HHAT: variants seen among roughly 807,000 people sequenced by gnomAD.
HHAT encodes hedgehog acyltransferase.
Under a neutral mutation model 70.8 loss-of-function variants are expected in HHAT, and 47 were observed. The observed-to-expected ratio is 0.66, with a 90% CI of 0.53 to 0.85. HHAT has a LOEUF of 0.85. HHAT is among the 40% of genes least tolerant of loss of function. The pLI is 0.00. For missense variants in HHAT, 609 were observed against 604.8 expected (o/e 1.01, Z -0.07); for synonymous variants, 228 against 247.6 (o/e 0.92, Z 0.74).
intron 9 of HHAT, among the ~76,000 whole-genome samples, chr1:210,554,622 C>T (rs1170005828): frequency 1.3e-5 from 2 of 152,104 alleles, no homozygotes; most frequent in East Asian, 3.9e-4. Flanking sequence ...GAGGTTTCAG[C>T]TTAAGCCCGT....
intron 8 of HHAT, among the ~76,000 whole-genome samples, chr1:210,472,595 G>A (rs2094224576): frequency 6.6e-6 from 1 of 152,180 alleles, no homozygotes; most frequent in Non-Finnish European, 1.5e-5. Flanking sequence ...GGAGTGATGG[G>A]AATGGTTCAG....
chr1:210,522,326 T>C (rs759835011), intron 9 of HHAT, among the ~76,000 whole-genome samples: 2 of 152,200 alleles, frequency 1.3e-5, no homozygotes, highest in Non-Finnish European at 2.9e-5. Flanking sequence ...ATCAGTTTCT[T>C]TTAAACTTTT....
At chr1:210,467,979 T>C (rs1408996487) in intron 8 of HHAT, among the ~76,000 whole-genome samples, 2 of 152,196 alleles carry the variant, frequency 1.3e-5, no homozygotes, top group East Asian at 1.9e-4. Context: ...CTAGTTCAAA[T>C]TGACTGTGAA....
At position 210,619,108 on chromosome 1, in the gene HHAT, G is replaced by T. The variant is rs189423016; in HGVS notation, c.1246-4418G>T. Reference sequence around the variant, plus strand: ...AGGCCAGTGTTCTGAGGGGCTTGCTGTAACCAGGCCAAAAGTCTAGCACCT... The same window carrying T: ...AGGCCAGTGTTCTGAGGGGCTTGCTTTAACCAGGCCAAAAGTCTAGCACCT... On this transcript the variant is annotated intron_variant, in intron 10 of 11. Coordinates refer to ENST00000261458, the MANE Select transcript of HHAT (RefSeq NM_018194.6). 5.4e-4 allele frequency among the ~76,000 whole-genome samples: 82 copies of T among 152,288 alleles called. 1 individual carries two copies. Among genetic ancestry groups the T allele is most frequent in the African/African-American group, 1.9e-3 (81 of 41,564 alleles).
At position 210,452,783 on chromosome 1, in the gene HHAT, G is replaced by T. The variant is rs79656141; in HGVS notation, c.857-11722G>T. 4.0e-3 allele frequency among the ~76,000 whole-genome samples: 615 copies of T among 152,306 alleles called. 23 individuals carry two copies. In the East Asian group the frequency reaches 0.1, roughly 25 times the overall value. On this transcript the variant is annotated intron_variant, in intron 7 of 11. Transcript: ENST00000261458. ...TATGGTAAATCCATGGTAAATCCAGGTATATGAGTTTATGGGAGAAAAGAG... is the reference window on the plus strand; with the variant it reads ...TATGGTAAATCCATGGTAAATCCAGTTATATGAGTTTATGGGAGAAAAGAG...
chr1:210,628,714 T>A (rs1670306922), intron 11 of HHAT, among the ~76,000 whole-genome samples: 1 of 152,192 alleles, frequency 6.6e-6, no homozygotes, highest in Non-Finnish European at 1.5e-5. Flanking sequence ...GTATATTTTC[T>A]CCCTGATTAC....
chr1:210,345,311 A>C (rs768456925), intron 1 of HHAT, among the ~76,000 whole-genome samples: 6 of 152,162 alleles, frequency 3.9e-5, no homozygotes, highest in Non-Finnish European at 4.4e-5. Flanking sequence ...CAAATTAATA[A>C]AAATTTGTAA....
intron 10 of HHAT, among the ~76,000 whole-genome samples, chr1:210,615,947 A>G (rs1409879318): frequency 6.6e-6 from 1 of 152,166 alleles, no homozygotes; most frequent in Non-Finnish European, 1.5e-5. Context: ...TGGGAGAACC[A>G]CTACTCTCTT....
intron 9 of HHAT, among the ~76,000 whole-genome samples, chr1:210,583,686 T>A (rs1037851160): frequency 1.3e-5 from 2 of 152,170 alleles, no homozygotes; most frequent in Non-Finnish European, 2.9e-5. Context: ...CCTCATGTCC[T>A]TGGAGACCTG....
chr1:210,671,738 A>G (rs1033718244), intron 11 of HHAT, among the ~76,000 whole-genome samples: 5 of 152,218 alleles, frequency 3.3e-5, no homozygotes, highest in African/African-American at 1.2e-4. Flanking sequence ...CTCCAGAACT[A>G]AGAATACATG....
chr1:210,500,843 G>T (rs2094738633), intron 8 of HHAT, among the ~76,000 whole-genome samples: 1 of 152,196 alleles, frequency 6.6e-6, no homozygotes, highest in Non-Finnish European at 1.5e-5. Context: ...GTTCTGTGGG[G>T]ACTGTTGCCA....
At chr1:210,385,943 A>C (rs1364951160) in intron 3 of HHAT, among the ~76,000 whole-genome samples, 1 of 152,222 alleles carries the variant, frequency 6.6e-6, no homozygotes, top group Non-Finnish European at 1.5e-5. Context: ...TCATCACAGC[A>C]AGTGTGTGAG....
At position 210,437,405 on chromosome 1, in the gene HHAT, C is replaced by A. The variant is rs118016299; in HGVS notation, c.856+19080C>A. Among the ~76,000 whole-genome samples, 397 of 151,840 alleles carry A rather than the reference C, an allele frequency of 2.6e-3. 12 individuals are homozygous for A. The South Asian group carries it at 0.059, about 23-fold the overall frequency. ...GTGAATTTGGAAAGCAGATTCACAT[C>A]GAGAATAAGGGACGACTCTCTGGCC... On this transcript the variant is annotated intron_variant, in intron 7 of 11. Coordinates refer to ENST00000261458, the MANE Select transcript of HHAT (RefSeq NM_018194.6).
intron 9 of HHAT, among the ~76,000 whole-genome samples, chr1:210,577,277 C>T (rs559899479): frequency 6.6e-6 from 1 of 152,092 alleles, no homozygotes; most frequent in Non-Finnish European, 1.5e-5. Context: ...AGCAAAAAGA[C>T]TTTCAGTTTT....
intron 4 of HHAT, among the ~76,000 whole-genome samples, chr1:210,389,990 A>G (rs937754753): frequency 6.6e-6 from 1 of 152,324 alleles, no homozygotes; most frequent in African/African-American, 2.4e-5. Flanking sequence ...TCTCCCTTTA[A>G]AATATGATGA....
At chr1:210,342,942 A>C (rs1223628982) in intron 1 of HHAT, among the ~76,000 whole-genome samples, 1 of 152,226 alleles carries the variant, frequency 6.6e-6, no homozygotes, top group Non-Finnish European at 1.5e-5. Context: ...CAGGGAAAAC[A>C]AAGTAGGGAA....
chr1:210,445,195 G>A (rs990096078), intron 7 of HHAT, among the ~76,000 whole-genome samples: 69 of 152,252 alleles, frequency 4.5e-4, no homozygotes, highest in South Asian at 8.3e-4. Flanking sequence ...ATAATAGTGC[G>A]GAGAATATAA....
intron 3 of HHAT, among the ~76,000 whole-genome samples, chr1:210,380,332 G>C (rs2090535437): frequency 6.6e-6 from 1 of 152,068 alleles, no homozygotes; most frequent in South Asian, 2.1e-4. Context: ...CTTGCAGTCA[G>C]GAGTTCAAGA....
chr1:210,368,237 G>GT (rs1233952785), intron 3 of HHAT, among the ~76,000 whole-genome samples: 1 of 152,272 alleles, frequency 6.6e-6, no homozygotes, highest in East Asian at 1.9e-4. Context: ...AAGAGCACAG[G>GT]TTTGGAGTTG....
Sources: gnomAD v4.1 joint callset for allele counts (sites outside exome capture counted in the v4.1 genomes callset) on GRCh38, gnomAD v4.1.1 for gene constraint, MANE v1.5 for transcripts, NCBI Gene and HGNC (gene_info 2026-07-23, HGNC 2026-07-21) for gene names.